Variants in NKAIN2 observed in about 807,000 individuals in gnomAD.
NKAIN2 encodes sodium/potassium-transporting ATPase subunit beta-1-interacting protein 2.
Under a neutral mutation model 32.6 loss-of-function variants are expected in NKAIN2, and 14 were observed. The observed-to-expected ratio is 0.43, with a 90% CI of 0.28 to 0.67. NKAIN2 has a LOEUF of 0.67. Ranked by LOEUF, NKAIN2 falls within the 30% of genes least tolerant of loss-of-function variation. The probability of loss-of-function intolerance (pLI) is 0.17; values close to 1 mark genes in which losing one functional copy is unlikely to be tolerated. For missense variants in NKAIN2, 198 were observed against 258.3 expected, an observed-to-expected ratio of 0.77 and a Z score of 1.60; for synonymous variants, 80 against 87.2, an observed-to-expected ratio of 0.92 and a Z score of 0.46.
intron 4 of NKAIN2, among the ~76,000 whole-genome samples, chr6:124,757,244 T>A (rs1235917139): frequency 6.6e-6 from 1 of 152,200 alleles, no homozygotes; most frequent in Admixed American, 6.5e-5. Context: ...CTTCCATTCA[T>A]TCTCTACATT....
intron 1 of NKAIN2, among the ~76,000 whole-genome samples, chr6:124,085,939 T>C (rs553634059): frequency 2.0e-5 from 3 of 152,120 alleles, no homozygotes; most frequent in Admixed American, 6.6e-5. Flanking sequence ...CATAATATTT[T>C]CCCTACTAGG....
At chr6:124,816,084 G>GT (rs1203354759) in intron 5 of NKAIN2, among the ~76,000 whole-genome samples, 3 of 152,082 alleles carry the variant, frequency 2.0e-5, no homozygotes, top group African/African-American at 7.2e-5. Flanking sequence ...TTCTGCCTTG[G>GT]TAAAAGGGTT....
chr6:124,456,281 C>T (rs889637195), intron 3 of NKAIN2, among the ~76,000 whole-genome samples: 2 of 151,380 alleles, frequency 1.3e-5, no homozygotes, highest in African/African-American at 4.9e-5. Context: ...TTCACTTTCC[C>T]CTTTTGATGA....
intron 1 of NKAIN2, among the ~76,000 whole-genome samples, chr6:124,255,085 G>A (rs1041901805): frequency 1.3e-5 from 2 of 152,148 alleles, no homozygotes; most frequent in African/African-American, 4.8e-5. Context: ...GCATTAGTGT[G>A]TTTCCCTCCA....
At chr6:124,533,079 G>A (rs1257843283) in intron 3 of NKAIN2, among the ~76,000 whole-genome samples, 1 of 152,054 alleles carries the variant, frequency 6.6e-6, no homozygotes, top group East Asian at 1.9e-4. Flanking sequence ...TTGTTGTGTA[G>A]GAGGATTTCA....
intron 2 of NKAIN2, among the ~76,000 whole-genome samples, chr6:124,352,897 T>G (rs1276051469): frequency 6.6e-6 from 1 of 152,162 alleles, no homozygotes; most frequent in Non-Finnish European, 1.5e-5. Flanking sequence ...TATTTTGTCT[T>G]GGATCATTTA....
chr6:123,945,181 C>T (rs1321470714), intron 1 of NKAIN2, among the ~76,000 whole-genome samples: 1 of 152,056 alleles, frequency 6.6e-6, no homozygotes, highest in Non-Finnish European at 1.5e-5. Flanking sequence ...AAACCTAGCA[C>T]AGGGTGCATC....
At chr6:124,131,192 T>C (rs1786458322) in intron 1 of NKAIN2, among the ~76,000 whole-genome samples, 3 of 152,186 alleles carry the variant, frequency 2.0e-5, no homozygotes, top group Non-Finnish European at 4.4e-5. Context: ...TCACCCAGGC[T>C]GGAGTGCAAT....
chr6:124,771,768 T>C (rs1345031738), intron 4 of NKAIN2, among the ~76,000 whole-genome samples: 1 of 152,160 alleles, frequency 6.6e-6, no homozygotes, highest in Non-Finnish European at 1.5e-5. Context: ...AAAAAGTGTT[T>C]ATTTCTTAGA....
intron 1 of NKAIN2, among the ~76,000 whole-genome samples, chr6:124,085,819 G>T (rs1311174934): frequency 6.6e-6 from 1 of 151,542 alleles, no homozygotes; most frequent in Non-Finnish European, 1.5e-5. Flanking sequence ...ATGACGGCTT[G>T]GTAAATCTAT....
intron 3 of NKAIN2, among the ~76,000 whole-genome samples, chr6:124,628,910 T>C (rs1783457948): frequency 6.6e-6 from 1 of 152,162 alleles, no homozygotes; most frequent in Non-Finnish European, 1.5e-5. Flanking sequence ...ATATAGTATG[T>C]GTCTATGTGT....
intron 3 of NKAIN2, among the ~76,000 whole-genome samples, chr6:124,361,854 A>G (rs931216500): frequency 1.3e-5 from 2 of 152,146 alleles, no homozygotes; most frequent in Admixed American, 6.5e-5. Context: ...GTACTGTTCC[A>G]ACAATGTCAG....
At position 124,823,620 on chromosome 6, in the gene NKAIN2, G is replaced by T; in HGVS notation, c.*391G>T. ...TCTGTGAGCTGGGAAGTCATCCAAG[G>T]CACATTAGTTTGAGAGCTCTGTCTT... On this transcript the variant is annotated 3_prime_UTR_variant, in exon 7 of 7. Transcript: ENST00000368417. 1 of 194,166 alleles carries T rather than the reference G, an allele frequency of 5.2e-6. No homozygotes were observed. The highest frequency in any genetic ancestry group is 1.1e-5 in the Non-Finnish European group (1 of 93,574). 12.0% of individuals were successfully genotyped at this position (194,166 alleles called of 1,614,324 possible).
chr6:124,727,018 A>G (rs1776358991), intron 4 of NKAIN2, among the ~76,000 whole-genome samples: 1 of 151,632 alleles, frequency 6.6e-6, no homozygotes, highest in African/African-American at 2.4e-5. Context: ...AAAAGAACAA[A>G]AAGAAATGAG....
chr6:123,944,781 TC>T (rs1230502871), intron 1 of NKAIN2, among the ~76,000 whole-genome samples: 1 of 152,062 alleles, frequency 6.6e-6, no homozygotes, highest in Non-Finnish European at 1.5e-5. Context: ...AGTAGCAACT[TC>T]CAAGCATTAT....
chr6:124,790,289 ACTAT>A (rs1582527842), intron 4 of NKAIN2, among the ~76,000 whole-genome samples: 1 of 152,060 alleles, frequency 6.6e-6, no homozygotes, highest in East Asian at 1.9e-4. Flanking sequence ...CCAGAAGATC[ACTAT>A]CTGTCATCTA....
At chr6:124,420,327 G>C (rs1562172950) in intron 3 of NKAIN2, among the ~76,000 whole-genome samples, 1 of 152,082 alleles carries the variant, frequency 6.6e-6, no homozygotes, top group East Asian at 1.9e-4. Context: ...GCCCATCAAA[G>C]TGCAGATAAG....
intron 1 of NKAIN2, among the ~76,000 whole-genome samples, chr6:124,076,952 G>A (rs1251710791): frequency 1.3e-5 from 2 of 152,180 alleles, no homozygotes; most frequent in Non-Finnish European, 2.9e-5. Context: ...TGTATTTAAT[G>A]AAGTAAATTT....
chr6:124,779,520 A>G (rs1043789263), intron 4 of NKAIN2, among the ~76,000 whole-genome samples: 5 of 152,182 alleles, frequency 3.3e-5, no homozygotes, highest in African/African-American at 9.7e-5. Flanking sequence ...ACAGATGAGT[A>G]AGTAAATAAA....
Sources: allele counts gnomAD v4.1 joint callset (sites outside exome capture counted in the v4.1 genomes callset), GRCh38; gene constraint gnomAD v4.1.1; transcripts MANE v1.5; gene names NCBI Gene and HGNC (gene_info 2026-07-23, HGNC 2026-07-21).